The following TMCO5A variants were observed in gnomAD, a reference collection of about 807,000 sequenced individuals.
TMCO5A encodes the protein transmembrane and coiled-coil domain-containing protein 5A.
A neutral mutation model predicts 42.3 loss-of-function variants in TMCO5A; 34 were observed. The observed-to-expected ratio is 0.80, with a 90% CI of 0.61 to 1.07. The LOEUF (loss-of-function observed/expected upper bound fraction) is 1.07, where lower values mean the gene tolerates loss of function less well. Ranked by LOEUF, TMCO5A falls within the 50% of genes least tolerant of loss-of-function variation. The probability of loss-of-function intolerance (pLI) is 0.00; values close to 1 mark genes in which losing one functional copy is unlikely to be tolerated. For synonymous variants in TMCO5A, 131 were observed against 115.6 expected, an observed-to-expected ratio of 1.13 and a Z score of -0.86; for missense variants, 357 against 327.9, an observed-to-expected ratio of 1.09 and a Z score of -0.69.
the TMCO5A span, among the ~76,000 whole-genome samples, chr15:37,985,958 G>T: frequency 1.3e-5 from 2 of 151,782 alleles, no homozygotes; most frequent in Non-Finnish European, 2.9e-5. Context: ...AGAAATAAAT[G>T]GTCCAGTGAA....
At chr15:37,956,929 G>A (rs189128822) in intron 11 of TMCO5A, among the ~76,000 whole-genome samples, 1 of 152,164 alleles carries the variant, frequency 6.6e-6, no homozygotes, top group African/African-American at 2.4e-5. Context: ...TGCAAGGCTG[G>A]TTCAACGGAT....
chr15:37,943,476 C>T lies in TMCO5A; in HGVS notation c.627+78C>T, dbSNP rs1889826376. On this transcript the variant is annotated intron_variant, in intron 10 of 11. Transcript: ENST00000319669. ...CCATCTCCAGCAAACTATAAGGCAC[C>T]AAATATATACCCAATCTTGCCATGC... The T allele has an allele frequency of 3.6e-6, 5 of 1,380,894 alleles. No individual in the cohort carries two copies. In the South Asian group the frequency reaches 6.0e-5, roughly 17 times the overall value. The allele number at this position is 1,380,894 out of a possible 1,614,324, so 85.5% of individuals were successfully genotyped here. A position where few individuals can be genotyped will look rare whatever the true frequency, so the allele number is the denominator to read the frequency against.
At chr15:37,968,832 C>G (rs569328130), downstream of TMCO5A, among the ~76,000 whole-genome samples, 1 of 152,146 alleles carries the variant, frequency 6.6e-6, no homozygotes. Context: ...CTGCCCACCT[C>G]AGCCTCCCAA....
chr15:38,036,496 TCACACA>T, the TMCO5A span, among the ~76,000 whole-genome samples: 10,315 of 63,384 alleles, frequency 0.16, 522 homozygotes, highest in East Asian at 0.38. Context: ...TCTCTCTCTC[TCACACA>T]CACACACACA....
chr15:37,989,022 T>C, the TMCO5A span, among the ~76,000 whole-genome samples: 22 of 151,998 alleles, frequency 1.4e-4, no homozygotes, highest in African/African-American at 5.1e-4. Flanking sequence ...TTACTACTTA[T>C]AGGTATATTC....
chr15:37,994,624 A>G, the TMCO5A span: 1 of 152,328 alleles, frequency 6.6e-6, no homozygotes, highest in East Asian at 1.9e-4. Flanking sequence ...TGGTCCACCC[A>G]GCTTCCTATC....
the TMCO5A span, among the ~76,000 whole-genome samples, chr15:38,035,527 T>C: frequency 1.3e-5 from 2 of 152,144 alleles, no homozygotes; most frequent in African/African-American, 4.8e-5. Flanking sequence ...GGAGCAGAAC[T>C]GCATGAGTGA....
the TMCO5A span, among the ~76,000 whole-genome samples, chr15:37,985,860 CT>C: frequency 2.1e-5 from 3 of 145,856 alleles, no homozygotes; most frequent in Non-Finnish European, 4.4e-5. Context: ...TTCATATTAG[CT>C]TTTCTTTCAT....
intron 3 of TMCO5A, 33 bp from the exon 4 acceptor site, chr15:37,936,814 T>C: frequency 6.2e-7 from 1 of 1,608,962 alleles, no homozygotes; most frequent in South Asian, 1.1e-5. Context: ...CTGCCAAGCA[T>C]GGGTCCTCAT....
the TMCO5A span, among the ~76,000 whole-genome samples, chr15:38,007,950 C>T: frequency 5.6e-4 from 68 of 120,666 alleles, 1 homozygote; most frequent in Admixed American, 7.5e-3. Context: ...GGCTGGAGTG[C>T]AGTGGCACGA....
At chr15:38,035,218 G>GTACA in the TMCO5A span, among the ~76,000 whole-genome samples, 14 of 152,198 alleles carry the variant, frequency 9.2e-5, no homozygotes, top group Non-Finnish European at 1.8e-4. Flanking sequence ...ACATATGCAA[G>GTACA]TACATGGGAG....
At chr15:38,001,212 A>G in the TMCO5A span, among the ~76,000 whole-genome samples, 4 of 152,108 alleles carry the variant, frequency 2.6e-5, no homozygotes, top group Non-Finnish European at 5.9e-5. Flanking sequence ...TAAAATTCTT[A>G]TATATCCTCT....
intron 11 of TMCO5A, among the ~76,000 whole-genome samples, chr15:37,947,995 T>G (rs1191657813): frequency 6.6e-6 from 1 of 152,148 alleles, no homozygotes; most frequent in Non-Finnish European, 1.5e-5. Flanking sequence ...TCTTATTTAC[T>G]GCCTTTTCCC....
At chr15:38,016,518 A>G in the TMCO5A span, among the ~76,000 whole-genome samples, 1 of 152,288 alleles carries the variant, frequency 6.6e-6, no homozygotes, top group African/African-American at 2.4e-5. Flanking sequence ...GCAAGACTAA[A>G]TGGCAAAGGA....
chr15:38,027,788 G>A, the TMCO5A span, among the ~76,000 whole-genome samples: 352 of 152,272 alleles, frequency 2.3e-3, 2 homozygotes, highest in Middle Eastern at 3.4e-3. Context: ...GATAGTGAGT[G>A]AGTTCTCACC....
At chr15:37,978,832 A>G in the TMCO5A span, among the ~76,000 whole-genome samples, 1 of 152,172 alleles carries the variant, frequency 6.6e-6, no homozygotes, top group Admixed American at 6.5e-5. Context: ...CCGGCTAGGA[A>G]GCATGGCGGC....
chr15:37,942,695 C>T (rs1185508043), intron 9 of TMCO5A: 2 of 163,662 alleles, frequency 1.2e-5, no homozygotes, highest in South Asian at 1.7e-4. Flanking sequence ...TAGACTCATA[C>T]TACAGCTACC....
chr15:37,982,547 T>TCTA, the TMCO5A span, among the ~76,000 whole-genome samples: 162 of 137,894 alleles, frequency 1.2e-3, no homozygotes, highest in African/African-American at 3.9e-3. Flanking sequence ...TTATATATTA[T>TCTA]TATGATATAT....
In TMCO5A at chr15:37,951,363, T is replaced by C; in HGVS notation, c.*129T>C. On this transcript the variant is annotated 3_prime_UTR_variant, in exon 12 of 12. Coordinates refer to ENST00000319669, the MANE Select transcript of TMCO5A (RefSeq NM_152453.4). ...CTCACCGTTTGCCTGCTTGACTACC[T>C]TCTGTCACCACGTCATCTTTCCAGG... The C allele has an allele frequency of 1.3e-6, 1 of 789,426 alleles. No individual in the cohort carries two copies. Among genetic ancestry groups the C allele is most frequent in the East Asian group, 2.6e-5 (1 of 38,308 alleles). 48.9% of individuals were successfully genotyped at this position (789,426 alleles called of 1,614,324 possible).
Sources: allele counts gnomAD v4.1 joint callset (sites outside exome capture counted in the v4.1 genomes callset), GRCh38; gene constraint gnomAD v4.1.1; transcripts MANE v1.5; gene names NCBI Gene and HGNC (gene_info 2026-07-23, HGNC 2026-07-21).